The following ECH1 variants were observed in gnomAD, a reference collection of about 807,000 sequenced individuals.
The protein encoded by ECH1 is enoyl-CoA hydratase 1.
A neutral mutation model predicts 37.0 loss-of-function variants in ECH1; 30 were observed. The observed-to-expected ratio is 0.81, with a 90% confidence interval of 0.61 to 1.10. The LOEUF (loss-of-function observed/expected upper bound fraction) is 1.10. Among genes scored for constraint, ECH1 ranks in the 50% least tolerant of loss-of-function variants. The pLI is 0.00. For missense variants in ECH1, 456 were observed against 441.6 expected (o/e 1.03, Z -0.29); for synonymous variants, 178 against 176.0 (o/e 1.01, Z -0.09).
chr19:38,816,850 C>A, intron 6 of ECH1: 2 of 651,626 alleles, frequency 3.1e-6, no homozygotes, highest in Non-Finnish European at 5.3e-6. Flanking sequence ...ACCAGTATGG[C>A]CCCAGGAGCA....
intron 3 of ECH1, among the ~76,000 whole-genome samples, chr19:38,821,968 C>T (rs1316587845): frequency 6.6e-6 from 1 of 152,250 alleles, no homozygotes; most frequent in Non-Finnish European, 1.5e-5. Flanking sequence ...TTATGTCTAG[C>T]TGAGGGACTG....
rs530573982 is a variant in ECH1 at position 38,816,828 on chromosome 19, C to T, written c.588+237G>A. The T allele has an allele frequency of 1.3e-4, 84 of 630,360 alleles. 1 individual carries two copies. The South Asian group carries it at 1.6e-3, about 12-fold the overall frequency. 39.0% of individuals were successfully genotyped at this position (630,360 alleles called of 1,614,324 possible). A position where few individuals can be genotyped will look rare whatever the true frequency, so the allele number is the denominator to read the frequency against. On this transcript the variant is annotated intron_variant, in intron 6 of 9. Coordinates refer to ENST00000221418, the MANE Select transcript of ECH1 (RefSeq NM_001398.3). ...TACTGCATCCCCCGGCTCCATCCTG[C>T]CTCCCACCCTCACCAGTATGGCCCC...
chr19:38,818,497 T>A (rs1348091911), intron 3 of ECH1: 1 of 643,440 alleles, frequency 1.6e-6, no homozygotes, highest in African/African-American at 2.0e-5. Context: ...TATTTTATTT[T>A]TTTTATTTCA....
chr19:38,829,046 AGGCCGAGGGG>A (rs1971778328), intron 3 of ECH1, among the ~76,000 whole-genome samples: 2 of 151,364 alleles, frequency 1.3e-5, no homozygotes, highest in African/African-American at 4.8e-5. Context: ...GCACTTTGGG[AGGCCGAGGGG>A]GGCCGATCAC....
At chr19:38,827,281 C>G (rs1389837889) in intron 3 of ECH1, among the ~76,000 whole-genome samples, 2 of 152,186 alleles carry the variant, frequency 1.3e-5, no homozygotes, top group African/African-American at 4.8e-5. Context: ...TTCCCAGCAC[C>G]AGGCTCTGGG....
intron 2 of ECH1, 34 bp from the exon 3 acceptor site, chr19:38,831,200 G>A (rs1192425406): frequency 6.2e-7 from 1 of 1,612,782 alleles, no homozygotes; most frequent in Non-Finnish European, 8.5e-7. Context: ...TACAAATGGG[G>A]CGGGAATACC....
Position 38,815,716 on chromosome 19 carries a change from G to T in ECH1, c.884C>A (p.Ala295Glu). ...CTGCAGCATGCTCATGTTCCAGGACGCCTGGTACCGAGGGTGTTGAGAGAG... is the reference window on the plus strand; with the variant it reads ...CTGCAGCATGCTCATGTTCCAGGACTCCTGGTACCGAGGGTGTTGAGAGAG... Reference protein sequence around the residue: ...HSVAESLNYVASWNMSMLQTQ... With the variant: ...HSVAESLNYVESWNMSMLQTQ... Residue 295 changes from alanine to glutamate, a missense_variant and splice_region_variant, in exon 10 of 10, where the codon GCG (alanine) becomes GAG (glutamate). Transcript: ENST00000221418. 1 of 1,614,138 alleles carries T rather than the reference G, an allele frequency of 6.2e-7. No individual in the cohort carries two copies. The highest frequency in any genetic ancestry group is 8.5e-7 in the Non-Finnish European group (1 of 1,180,010).
intron 2 of ECH1, 30 bp downstream of exon 2, chr19:38,831,279 A>C: frequency 6.2e-7 from 1 of 1,606,664 alleles, no homozygotes; most frequent in Non-Finnish European, 8.5e-7. Context: ...CTCCCCCCGC[A>C]GGCAGGCCTC....
chr19:38,817,163 A>G, intron 5 of ECH1, 34 bp from the exon 6 acceptor site: 2 of 1,555,398 alleles, frequency 1.3e-6, no homozygotes, highest in Admixed American at 3.9e-5. Context: ...CTGAATGACC[A>G]CCAGAACCAA....
At chr19:38,818,441 A>G (rs1971609762) in intron 3 of ECH1, 3 of 968,696 alleles carry the variant, frequency 3.1e-6, no homozygotes, top group Non-Finnish European at 3.7e-6. Context: ...ACAGGCAGCC[A>G]GGGGAAGCCA....
chr19:38,830,517 G>A (rs1971803088), intron 3 of ECH1, among the ~76,000 whole-genome samples: 1 of 152,058 alleles, frequency 6.6e-6, no homozygotes, highest in Non-Finnish European at 1.5e-5. Context: ...GGCCATGGTG[G>A]CACCTGCCTG....
chr19:38,817,088 G>A lies in ECH1; in HGVS notation c.565C>T (p.Gln189Ter). Residue 189 changes from glutamine (Q) to a stop codon, truncating the protein, a stop_gained, in exon 6 of 10, where the codon CAG (glutamine) becomes TAG (stop). Coordinates refer to ENST00000221418, the MANE Select transcript of ECH1 (RefSeq NM_001398.3). LOFTEE classifies it high-confidence loss of function. ...ACCTTCACCTGGAAGAAAGCATCCT[G>A]GGCACAGTACCGGATGTCACAGGCG... The part of the protein sequence containing the change: ...VTACDIRYCA[Q>*]DAFFQVKEVD... 1 of 1,576,734 alleles carries A rather than the reference G, an allele frequency of 6.3e-7. No individual in the cohort carries two copies. The highest frequency in any genetic ancestry group is 1.2e-5 in the South Asian group (1 of 85,644).
chr19:38,829,995 G>A (rs1038695856), intron 3 of ECH1, among the ~76,000 whole-genome samples: 1 of 150,984 alleles, frequency 6.6e-6, no homozygotes, highest in African/African-American at 2.4e-5. Context: ...GTCTCTACTA[G>A]AAACACAAAA....
intron 3 of ECH1, among the ~76,000 whole-genome samples, chr19:38,825,259 A>G (rs1971722374): frequency 6.6e-6 from 1 of 152,230 alleles, no homozygotes; most frequent in Non-Finnish European, 1.5e-5. Flanking sequence ...ACCTTGACTT[A>G]GATCATGGGG....
intron 3 of ECH1, among the ~76,000 whole-genome samples, chr19:38,817,948 G>T (rs934304629): frequency 6.6e-6 from 1 of 152,154 alleles, no homozygotes; most frequent in Non-Finnish European, 1.5e-5. Context: ...TAGAGACAGG[G>T]TCTCACTCTG....
intron 5 of ECH1, 81 bp downstream of exon 5, chr19:38,817,235 G>C: frequency 6.5e-7 from 1 of 1,538,484 alleles, no homozygotes; most frequent in Non-Finnish European, 8.8e-7. Context: ...ACAGAGCTGA[G>C]GCTGGATGCC....
chr19:38,819,264 C>T (rs1352163263), intron 3 of ECH1: 10 of 978,794 alleles, frequency 1.0e-5, no homozygotes, highest in Non-Finnish European at 1.2e-5. Context: ...AGGGAGGGAG[C>T]CAAGGACCTT....
At chr19:38,818,927 GTGTGT>G in intron 3 of ECH1, among the ~76,000 whole-genome samples, 1 of 137,742 alleles carries the variant, frequency 7.3e-6, no homozygotes, top group African/African-American at 2.7e-5. Flanking sequence ...GTGTGTGTGT[GTGTGT>G]GCACTGTTCC....
rs569413769 is a variant in ECH1 at position 38,817,549 on chromosome 19, C to T, written c.376G>A (p.Asp126Asn). ...TCATCTCCTTTGGGCTGCAGGATGTCCGAAGCCATGTCCATCAGGTCAATA... is the reference window on the plus strand; with the variant it reads ...TCATCTCCTTTGGGCTGCAGGATGTTCGAAGCCATGTCCATCAGGTCAATA... Reference protein sequence around the residue: ...AGIDLMDMASDILQPKGDDVA... With the variant: ...AGIDLMDMASNILQPKGDDVA... Residue 126 changes from aspartate to asparagine, a missense_variant, in exon 4 of 10, where the codon GAC becomes AAC. Transcript: ENST00000221418. 1 of 1,609,810 alleles carries T rather than the reference C, an allele frequency of 6.2e-7. No homozygotes were observed. Among genetic ancestry groups the T allele is most frequent in the Non-Finnish European group, 8.5e-7 (1 of 1,176,586 alleles).
Sources: allele counts gnomAD v4.1 joint callset (sites outside exome capture counted in the v4.1 genomes callset), GRCh38; gene constraint gnomAD v4.1.1; transcripts MANE v1.5; gene names NCBI Gene and HGNC (gene_info 2026-07-23, HGNC 2026-07-21).